CCL4L2: variants seen among roughly 807,000 people sequenced by gnomAD.
CCL4L2 encodes C-C motif chemokine 4-like.
Under a neutral mutation model 5.9 loss-of-function variants are expected in CCL4L2, and 3 were observed. The observed-to-expected ratio is 0.51, with a 90% confidence interval of 0.23 to 1.32. The LOEUF (loss-of-function observed/expected upper bound fraction) is 1.32, where lower values mean the gene tolerates loss of function less well. Among genes scored for constraint, CCL4L2 ranks in the 40% most tolerant of loss-of-function variants. The pLI is 0.18. For missense variants in CCL4L2, 74 were observed against 121.2 expected (o/e 0.61, Z 1.83); for synonymous variants, 36 against 47.6 (o/e 0.76, Z 1.00).
chr17:36,211,770 T>C lies in CCL4L2; in HGVS notation c.77-6T>C. The C allele has an allele frequency of 6.4e-7, 1 of 1,571,654 alleles. No individual in the cohort carries two copies. The highest frequency in any genetic ancestry group is 8.7e-7 in the Non-Finnish European group (1 of 1,150,372). The stretch of plus-strand genomic sequence containing the variant: ...GTGTTGATCTCACCCTGGCCTTTCC[T>C]TTCAGTGGGCTCAGACCCTCCCACC... On this transcript the variant is annotated splice_region_variant and splice_polypyrimidine_tract_variant and intron_variant, in intron 1 of 2. Transcript: ENST00000617405.
At position 36,212,601 on chromosome 17, in the gene CCL4L2, G is replaced by T. The variant is rs2068809909; in HGVS notation, c.*178G>T. ...CAGAGACAGGAAGTCTTCAGGGAAGGTCACCTGAGCCTGGATGCTTCTCCA... is the reference window on the plus strand; with the variant it reads ...CAGAGACAGGAAGTCTTCAGGGAAGTTCACCTGAGCCTGGATGCTTCTCCA... On this transcript the variant is annotated 3_prime_UTR_variant, in exon 3 of 3. Transcript: ENST00000617405. The T allele has an allele frequency of 6.3e-7, 1 of 1,576,974 alleles. No homozygotes were observed. The highest frequency in any genetic ancestry group is 1.7e-5 in the Admixed American group (1 of 59,154).
Position 36,212,671 on chromosome 17 carries a change from T to C in CCL4L2, c.*248T>C. The stretch of plus-strand genomic sequence containing the variant: ...ACTCAGGACTCCTCTCCGCAGTTCC[T>C]GTCTCTTCTCTTAATGTAATCTCTT... On this transcript the variant is annotated 3_prime_UTR_variant, in exon 3 of 3. Coordinates refer to ENST00000617405, the MANE Select transcript of CCL4L2 (RefSeq NM_001291475.2). 1 of 1,298,244 alleles carries C rather than the reference T, an allele frequency of 7.7e-7. No individual in the cohort carries two copies. Among genetic ancestry groups the C allele is most frequent in the South Asian group, 1.2e-5 (1 of 83,260 alleles). 80.4% of individuals were successfully genotyped at this position (1,298,244 alleles called of 1,614,324 possible).
chr17:36,212,608 G>C lies in CCL4L2; in HGVS notation c.*185G>C. Reference sequence around the variant, plus strand: ...AGGAAGTCTTCAGGGAAGGTCACCTGAGCCTGGATGCTTCTCCATGAGCCG... The same window carrying C: ...AGGAAGTCTTCAGGGAAGGTCACCTCAGCCTGGATGCTTCTCCATGAGCCG... On this transcript the variant is annotated 3_prime_UTR_variant, in exon 3 of 3. Coordinates refer to ENST00000617405, the MANE Select transcript of CCL4L2 (RefSeq NM_001291475.2). 1 of 1,573,054 alleles carries C rather than the reference G, an allele frequency of 6.4e-7. No individual in the cohort carries two copies. Among genetic ancestry groups the C allele is most frequent in the Non-Finnish European group, 8.7e-7 (1 of 1,148,706 alleles).
Position 36,211,641 on chromosome 17 carries a change from G to C in CCL4L2, c.77-135G>C, listed in dbSNP as rs530624636. ...AGAATAAGACTCCTGCTCATGTTAG[G>C]TGGGAATGGATACAAGGGACCATAT... On this transcript the variant is annotated intron_variant, in intron 1 of 2. Transcript: ENST00000617405. 6.1e-6 allele frequency: 6 copies of C among 990,898 alleles called. 1 individual carries two copies. Among genetic ancestry groups the C allele is most frequent in the Non-Finnish European group, 9.6e-6 (6 of 626,384 alleles). 61.4% of individuals were successfully genotyped at this position (990,898 alleles called of 1,614,324 possible).
intron 2 of CCL4L2, 124 bp downstream of exon 2, chr17:36,212,014 G>C: frequency 8.6e-7 from 1 of 1,160,024 alleles, no homozygotes; most frequent in Non-Finnish European, 1.3e-6. Flanking sequence ...AGCCTTCCCT[G>C]ACAGCAGTGA....
At chr17:36,212,131 G>T (rs1394989880) in intron 2 of CCL4L2, 12 of 705,270 alleles carry the variant, frequency 1.7e-5, no homozygotes, top group African/African-American at 1.7e-4. Flanking sequence ...AGGGAAGCAG[G>T]GGAAGGCAGA....
At chr17:36,212,241 C>T in intron 2 of CCL4L2, 2 of 722,330 alleles carry the variant, frequency 2.8e-6, no homozygotes, top group South Asian at 3.0e-5. Flanking sequence ...TCTATTCATA[C>T]TGATTGCAAT....
intron 2 of CCL4L2, 200 bp downstream of exon 2, chr17:36,212,090 G>C: frequency 2.6e-6 from 2 of 759,472 alleles, no homozygotes; most frequent in Admixed American, 2.0e-5. Context: ...AGACAGAAGG[G>C]GGTTCCTGGG....
chr17:36,212,803 T>C lies in CCL4L2; in HGVS notation c.*380T>C, dbSNP rs2142235950. ...TGGTCCACTCTCACTCTTTCTCTGC[T>C]GTTGCAAATACATGGATAACACCGT... On this transcript the variant is annotated 3_prime_UTR_variant, in exon 3 of 3. Transcript: ENST00000617405. The C allele has an allele frequency of 5.1e-6, 3 of 591,140 alleles. 1 individual carries two copies. Among genetic ancestry groups the C allele is most frequent in the Non-Finnish European group, 9.2e-6 (3 of 326,288 alleles). 36.6% of individuals were successfully genotyped at this position (591,140 alleles called of 1,614,324 possible). A position where few individuals can be genotyped will look rare whatever the true frequency, so the allele number is the denominator to read the frequency against.
chr17:36,211,949 G>A, intron 2 of CCL4L2, 59 bp downstream of exon 2: 3 of 1,535,150 alleles, frequency 2.0e-6, no homozygotes, highest in African/African-American at 2.7e-5. Flanking sequence ...TTTTTAAAGG[G>A]GGCCTGTTTT....
At chr17:36,212,063 C>T (rs538513895) in intron 2 of CCL4L2, 173 bp downstream of exon 2, 170 of 878,284 alleles carry the variant, frequency 1.9e-4, no homozygotes, top group African/African-American at 1.8e-3. Context: ...GTGCTGAAGG[C>T]GGCTGAGTGG....
rs1157704442 is a variant in CCL4L2, at chr17:36,212,420, A to G, written c.309A>G (p.Gly103=). 1 of 1,560,246 alleles carries G rather than the reference A, an allele frequency of 6.4e-7. No homozygotes were observed. ...GGAAGATGCCTACCACAGGCAAGGG[A>G]TAAAGCCAGATGACCTCAAAGGTCC... Residue 103 remains glycine, a synonymous_variant, in exon 3 of 3, where the codon GGA becomes GGG. Coordinates refer to ENST00000617405, the MANE Select transcript of CCL4L2 (RefSeq NM_001291475.2).
In CCL4L2 at chr17:36,211,171, C is replaced by G; in HGVS notation, c.30C>G (p.Leu10=). The change falls in exon 1 of 3, where the codon CTC becomes CTG. Residue 10 remains leucine, a synonymous_variant. Coordinates refer to ENST00000617405, the MANE Select transcript of CCL4L2 (RefSeq NM_001291475.2). ...AGCTCTGCGTGACTGTCCTGTCTCT[C>G]CTCGTGCTAGTAGCTGCCTTCTGCT... is the stretch of plus-strand genomic sequence containing the variant. 1 of 1,581,728 alleles carries G rather than the reference C, an allele frequency of 6.3e-7. No homozygotes were observed. The highest frequency in any genetic ancestry group is 1.1e-5 in the South Asian group (1 of 89,110).
intron 2 of CCL4L2, chr17:36,212,225 G>T: frequency 1.4e-6 from 1 of 715,100 alleles, no homozygotes; most frequent in Non-Finnish European, 2.6e-6. Context: ...GCAGGGAATG[G>T]GGCAATCTAT....
chr17:36,212,665 A>G lies in CCL4L2; in HGVS notation c.*242A>G, dbSNP rs2068812148. ...CTCCATACTCAGGACTCCTCTCCGC[A>G]GTTCCTGTCTCTTCTCTTAATGTAA... On this transcript the variant is annotated 3_prime_UTR_variant, in exon 3 of 3. Coordinates refer to ENST00000617405, the MANE Select transcript of CCL4L2 (RefSeq NM_001291475.2). 21 of 1,339,252 alleles carry G rather than the reference A, an allele frequency of 1.6e-5. 4 individuals are homozygous for G. The South Asian group carries it at 2.4e-4, about 15-fold the overall frequency. 83.0% of individuals were successfully genotyped at this position (1,339,252 alleles called of 1,614,324 possible).
rs2068797624 is a variant in CCL4L2, at chr17:36,212,256, A to C, written c.192-47A>C. ...TCTATTCATACTGATTGCAATGCCCACTGGTTCCTAATCTGGGCAACCCCT... is the reference window on the plus strand; with the variant it reads ...TCTATTCATACTGATTGCAATGCCCCCTGGTTCCTAATCTGGGCAACCCCT... On this transcript the variant is annotated intron_variant, in intron 2 of 2. Coordinates refer to ENST00000617405, the MANE Select transcript of CCL4L2 (RefSeq NM_001291475.2). The C allele has an allele frequency of 5.4e-6, 4 of 740,456 alleles. No homozygotes were observed. The Admixed American group carries it at 6.1e-5, about 11-fold the overall frequency. The allele number at this position is 740,456 out of a possible 1,614,324, so 45.9% of individuals were successfully genotyped here.
Position 36,212,704 on chromosome 17 carries a change from C to T in CCL4L2, c.*281C>T. The stretch of plus-strand genomic sequence containing the variant: ...CTCTTAATGTAATCTCTTTTATGTG[C>T]TGTATTATTGTATTAGGTGTTATTT... On this transcript the variant is annotated 3_prime_UTR_variant, in exon 3 of 3. Coordinates refer to ENST00000617405, the MANE Select transcript of CCL4L2 (RefSeq NM_001291475.2). 11 of 1,088,540 alleles carry T rather than the reference C, an allele frequency of 1.0e-5. 2 individuals carry two copies. The highest frequency in any genetic ancestry group is 1.4e-5 in the Non-Finnish European group (10 of 718,066). The allele number at this position is 1,088,540 out of a possible 1,614,324, so 67.4% of individuals were successfully genotyped here.
rs1213468688 is a variant in CCL4L2, at chr17:36,211,708, C to A, written c.77-68C>A. On this transcript the variant is annotated intron_variant, in intron 1 of 2. Coordinates refer to ENST00000617405, the MANE Select transcript of CCL4L2 (RefSeq NM_001291475.2). ...TCCACAGGGATGCTCAATGAAGATG[C>A]AAAATTAGAAGTCAAAATAAACAGC... 1.1e-5 allele frequency: 17 copies of A among 1,519,754 alleles called. No homozygotes were observed. In the African/African-American group the frequency reaches 2.1e-4, roughly 19 times the overall value. 94.1% of individuals were successfully genotyped at this position (1,519,754 alleles called of 1,614,324 possible).
Position 36,212,772 on chromosome 17 carries a change from T to TA in CCL4L2, c.*349_*350insA. ...TTAGCCAAAGGATAAGTGTCCCCTA[T>TA]GGGGATGGTCCACTCTCACTCTTTC... On this transcript the variant is annotated 3_prime_UTR_variant, in exon 3 of 3. Coordinates refer to ENST00000617405, the MANE Select transcript of CCL4L2 (RefSeq NM_001291475.2). The TA allele has an allele frequency of 5.7e-6, 4 of 701,058 alleles. No individual in the cohort carries two copies. Among genetic ancestry groups the TA allele is most frequent in the Non-Finnish European group, 9.8e-6 (4 of 407,342 alleles). The allele number at this position is 701,058 out of a possible 1,614,324, so 43.4% of individuals were successfully genotyped here. A position where few individuals can be genotyped will look rare whatever the true frequency, so the allele number is the denominator to read the frequency against.
Sources: gnomAD v4.1 joint callset for allele counts on GRCh38, gnomAD v4.1.1 for gene constraint, MANE v1.5 for transcripts, NCBI Gene and HGNC (gene_info 2026-07-23, HGNC 2026-07-21) for gene names.